Variants in MASTL observed in about 807,000 individuals in gnomAD.
MASTL encodes serine/threonine-protein kinase greatwall.
MASTL carries 54 observed loss-of-function variants against 82.5 expected under a neutral mutation model. The observed-to-expected ratio is 0.65, with a 90% CI of 0.53 to 0.82. The LOEUF is 0.82. Among genes scored for constraint, MASTL ranks in the 40% least tolerant of loss-of-function variants. MASTL has a pLI of 0.00. For synonymous variants in MASTL, 323 were observed against 368.9 expected, an observed-to-expected ratio of 0.88 and a Z score of 1.43; for missense variants, 950 against 1,047.8, an observed-to-expected ratio of 0.91 and a Z score of 1.29.
In MASTL at chr10:27,161,109, C is replaced by T. The variant is rs936856323; in HGVS notation, c.480C>T (p.Asp160=). Residue 160 remains aspartate, a synonymous_variant, in exon 4 of 12, where the codon GAC becomes GAT. Coordinates refer to ENST00000375940, the MANE Select transcript of MASTL (RefSeq NM_001172303.3). The stretch of plus-strand genomic sequence containing the variant: ...GTGTGTGCAGGGACTTGAAACCGGA[C>T]AATATGCTTATTTCTAATGAGGGTC... ...HGIIHRDLKP[D]NMLISNEGHI... The T allele has an allele frequency of 1.2e-6, 2 of 1,612,150 alleles. No individual in the cohort carries two copies. Among genetic ancestry groups the T allele is most frequent in the African/African-American group, 2.7e-5 (2 of 74,850 alleles).
rs779836732 is a variant in MASTL, at chr10:27,170,114, T to C, written c.1155T>C (p.Cys385=). The change falls in exon 8 of 12, where the codon TGT becomes TGC. Residue 385 remains cysteine (C), a synonymous_variant. Transcript: ENST00000375940. ...CCCTTCCCACCACTGGACGCTCTTG[T>C]GTAAACCTTGCTAAAAAATGCTTCT... ...SSALPTTGRS[C]VNLAKKCFSG... is the part of the protein sequence containing the mutation. The C allele has an allele frequency of 3.1e-6, 5 of 1,614,182 alleles. No individual in the cohort carries two copies. The highest frequency in any genetic ancestry group is 3.4e-6 in the Non-Finnish European group (4 of 1,180,024).
intron 11 of MASTL, 144 bp downstream of exon 11, chr10:27,181,725 G>C: frequency 1.7e-6 from 1 of 605,436 alleles, no homozygotes; most frequent in Admixed American, 2.3e-5. Context: ...CTGATCACAA[G>C]GTCAGGAGTT....
rs572380236 is a variant in MASTL at position 27,165,762 on chromosome 10, A to G, written c.811+223A>G. Reference sequence around the variant, plus strand: ...TCATCTCTACAAAAATTAGCTGGGCATGTTGGTGCACACTTGTGGTCCCAG... The same window carrying G: ...TCATCTCTACAAAAATTAGCTGGGCGTGTTGGTGCACACTTGTGGTCCCAG... On this transcript the variant is annotated intron_variant, in intron 6 of 11. Transcript: ENST00000375940. Among the ~76,000 whole-genome samples, 4 of 150,810 alleles carry G rather than the reference A, an allele frequency of 2.7e-5. No homozygotes were observed. The South Asian group carries it at 6.5e-4, about 25-fold the overall frequency.
At chr10:27,185,610 G>A (rs2058662463) in intron 11 of MASTL, among the ~76,000 whole-genome samples, 2 of 121,596 alleles carry the variant, frequency 1.6e-5, no homozygotes, top group Non-Finnish European at 3.4e-5. Context: ...TCCAGCCTAG[G>A]TGACAGACAA....
rs751350716 is a variant in MASTL at position 27,170,338 on chromosome 10, A to G, written c.1379A>G (p.Gln460Arg). Residue 460 changes from glutamine to arginine, a missense_variant, in exon 8 of 12, where the codon CAG becomes CGG. Gln to Arg is a conservative substitution (Grantham distance 43). Transcript: ENST00000375940. Reference sequence around the variant, plus strand: ...TCCAGTCCTTGTAAAAAAATTATACAGAATAAAAAAACTTGTGTAGAGTAT... The same window carrying G: ...TCCAGTCCTTGTAAAAAAATTATACGGAATAAAAAAACTTGTGTAGAGTAT... ...VDSSPCKKIIQNKKTCVEYKH... is the reference protein window; with the variant it reads ...VDSSPCKKIIRNKKTCVEYKH... The G allele has an allele frequency of 5.0e-6, 8 of 1,613,600 alleles. No individual in the cohort carries two copies. Among genetic ancestry groups the G allele is most frequent in the Non-Finnish European group, 6.8e-6 (8 of 1,179,754 alleles).
At chr10:27,172,446 GGAGATC>G (rs2057977852) in intron 8 of MASTL, among the ~76,000 whole-genome samples, 1 of 152,020 alleles carries the variant, frequency 6.6e-6, no homozygotes, top group South Asian at 2.1e-4. Flanking sequence ...CCTGAGGTCG[GGAGATC>G]GAGACCAGCC....
At chr10:27,176,096 CAAA>C (rs111538557) in intron 9 of MASTL, among the ~76,000 whole-genome samples, 14 of 118,118 alleles carry the variant, frequency 1.2e-4, no homozygotes, top group Admixed American at 1.7e-4. Flanking sequence ...GACTCCATCT[CAAA>C]AAAAAAAAAA....
chr10:27,165,374 TTC>T lies in MASTL; in HGVS notation c.661-11_661-10del. 1 of 1,613,824 alleles carries T rather than the reference TTC, an allele frequency of 6.2e-7. No homozygotes were observed. The highest frequency in any genetic ancestry group is 8.5e-7 in the Non-Finnish European group (1 of 1,179,910). ...GAAGGTAAACCTGTTGTTTTTATTT[TTC>T]TCTTTTTAATAGAACACACCAATTG... On this transcript the variant is annotated splice_polypyrimidine_tract_variant and intron_variant, in intron 5 of 11. Coordinates refer to ENST00000375940, the MANE Select transcript of MASTL (RefSeq NM_001172303.3).
chr10:27,166,130 A>G, intron 6 of MASTL, among the ~76,000 whole-genome samples: 1 of 151,956 alleles, frequency 6.6e-6, no homozygotes, highest in South Asian at 2.1e-4. Context: ...TCGCTTGAAC[A>G]CAGGAGGCGG....
Position 27,173,157 on chromosome 10 carries a change from A to G in MASTL, c.2164A>G (p.Thr722Ala). 1 of 1,614,134 alleles carries G rather than the reference A, an allele frequency of 6.2e-7. No individual in the cohort carries two copies. Residue 722 changes from threonine (T) to alanine (A), a missense_variant, in exon 9 of 12, where the codon ACT becomes GCT. Coordinates refer to ENST00000375940, the MANE Select transcript of MASTL (RefSeq NM_001172303.3). ...GATCAAGTCGGGAACTCCATACCGA[A>G]CTCCGAAGAGTGTGAGAAGAGGGGT... ...NQIKSGTPYR[T>A]PKSVRRGVAP...
intron 9 of MASTL, among the ~76,000 whole-genome samples, chr10:27,175,317 G>T (rs191294983): frequency 6.6e-5 from 10 of 152,110 alleles, no homozygotes; most frequent in Non-Finnish European, 1.5e-4. Flanking sequence ...CGAGTAGCTG[G>T]GATTACAGGC....
chr10:27,156,551 G>A (rs1256639431), intron 1 of MASTL, among the ~76,000 whole-genome samples: 1 of 152,062 alleles, frequency 6.6e-6, no homozygotes, highest in African/African-American at 2.4e-5. Flanking sequence ...CCAGGCTGGA[G>A]TGCTGTGGTG....
intron 8 of MASTL, among the ~76,000 whole-genome samples, chr10:27,172,182 G>A (rs1273126957): frequency 6.6e-6 from 1 of 152,040 alleles, no homozygotes; most frequent in Non-Finnish European, 1.5e-5. Context: ...CCAACCCAAA[G>A]TTTTACTTTT....
intron 6 of MASTL, among the ~76,000 whole-genome samples, chr10:27,166,274 G>A (rs1205157383): frequency 2.0e-5 from 3 of 152,120 alleles, no homozygotes. Flanking sequence ...CCTTGTAAGT[G>A]TGTATAATTG....
chr10:27,185,170 A>C (rs1212527909), intron 11 of MASTL, among the ~76,000 whole-genome samples: 1 of 152,188 alleles, frequency 6.6e-6, no homozygotes, highest in African/African-American at 2.4e-5. Flanking sequence ...TTCATGCTAA[A>C]GCTGTCTAGG....
chr10:27,165,312 T>G, intron 5 of MASTL, 77 bp from the exon 6 acceptor site: 1 of 1,464,730 alleles, frequency 6.8e-7, no homozygotes, highest in Non-Finnish European at 9.6e-7. Flanking sequence ...TCTACTTAGG[T>G]GGTATAACAG....
chr10:27,165,149 G>T lies in MASTL; in HGVS notation c.639G>T (p.Ser213=), dbSNP rs777129080. 6.2e-7 allele frequency: 1 copy of T among 1,612,594 alleles called. No homozygotes were observed. Residue 213 remains serine (S), a synonymous_variant, in exon 5 of 12, where the codon TCG becomes TCT. Coordinates refer to ENST00000375940, the MANE Select transcript of MASTL (RefSeq NM_001172303.3). ...DYSRTPGQVL[S]LISSLGFNTP... ...CAAGAACCCCAGGACAAGTGTTATC[G>T]CTTATCAGCTCGTTGGGATTTGTAA...
At chr10:27,175,363 G>C (rs1412265453) in intron 9 of MASTL, among the ~76,000 whole-genome samples, 1 of 151,924 alleles carries the variant, frequency 6.6e-6, no homozygotes, top group Non-Finnish European at 1.5e-5. Context: ...TGTATTTTTA[G>C]TAGAGATAGG....
At position 27,173,170 on chromosome 10, in the gene MASTL, T is replaced by C; in HGVS notation, c.2177T>C (p.Val726Ala). The change falls in exon 9 of 12, where the codon GTG (valine) becomes GCG (alanine). Residue 726 changes from valine to alanine, a missense_variant. By Grantham distance (64) the Val-to-Ala change is moderately conservative. Transcript: ENST00000375940. ...ACTCCATACCGAACTCCGAAGAGTGTGAGAAGAGGGGTGGCCCCCGTTGAT... is the reference window on the plus strand; with the variant it reads ...ACTCCATACCGAACTCCGAAGAGTGCGAGAAGAGGGGTGGCCCCCGTTGAT... ...SGTPYRTPKS[V>A]RRGVAPVDDG... 1 of 1,614,102 alleles carries C rather than the reference T, an allele frequency of 6.2e-7. No homozygotes were observed. The highest frequency in any genetic ancestry group is 1.1e-5 in the South Asian group (1 of 91,088).
Sources: allele counts gnomAD v4.1 joint callset (sites outside exome capture counted in the v4.1 genomes callset), GRCh38; gene constraint gnomAD v4.1.1; transcripts MANE v1.5; gene names NCBI Gene and HGNC (gene_info 2026-07-23, HGNC 2026-07-21).